COL22A1: variants seen among roughly 807,000 people sequenced by gnomAD.
COL22A1 encodes the protein collagen alpha-1(XXII) chain.
A neutral mutation model predicts 248.9 loss-of-function variants in COL22A1; 221 were observed. That is an observed-to-expected ratio of 0.89 (90% CI 0.80 to 0.99). The LOEUF (loss-of-function observed/expected upper bound fraction) is 0.99. Among genes scored for constraint, COL22A1 ranks in the 50% least tolerant of loss-of-function variants. The pLI, the probability that COL22A1 is intolerant of heterozygous loss-of-function variation, is 0.00. For synonymous variants in COL22A1, 891 were observed against 793.4 expected (o/e 1.12, Z -2.07); for missense variants, 2,240 against 2,179.0 (o/e 1.03, Z -0.56).
chr8:138,644,036 T>G lies in COL22A1; in HGVS notation c.3501+2593A>C, dbSNP rs145460842. Among the ~76,000 whole-genome samples the G allele has an allele frequency of 4.0e-3, 604 of 152,200 alleles. 4 individuals are homozygous for G. The highest frequency in any genetic ancestry group is 0.014 in the African/African-American group (588 of 41,536). On this transcript the variant is annotated intron_variant, in intron 47 of 64. Transcript: ENST00000303045. ...TCCTCATGTGATCTGTCTGCTTCAG[T>G]CTCCCAAAGTGCTGGGATTACAGGT... is the stretch of plus-strand genomic sequence containing the variant.
intron 23 of COL22A1, among the ~76,000 whole-genome samples, chr8:138,726,081 C>T (rs1026043038): frequency 2.0e-5 from 3 of 151,846 alleles, no homozygotes; most frequent in African/African-American, 7.3e-5. Flanking sequence ...GGCATCTTCA[C>T]GGGCCAGGAA....
chr8:138,821,356 G>C lies in COL22A1; in HGVS notation c.1025C>G (p.Ala342Gly). Reference protein sequence around the residue: ...NKAVEYNAVGAMKDAVRVVFR... With the variant: ...NKAVEYNAVGGMKDAVRVVFR... ...GACCACCCTGACAGCATCTTTCATG[G>C]CACCCACAGCGTTGTACTCGACTGC... Residue 342 changes from alanine (A) to glycine (G), a missense_variant, in exon 7 of 65, where the codon GCC becomes GGC. By Grantham distance (60) the Ala-to-Gly change is moderately conservative. Transcript: ENST00000303045. 1 of 1,614,140 alleles carries C rather than the reference G, an allele frequency of 6.2e-7. No homozygotes were observed. The highest frequency in any genetic ancestry group is 8.5e-7 in the Non-Finnish European group (1 of 1,180,012).
chr8:138,686,642 C>T (rs1178364435), intron 37 of COL22A1, among the ~76,000 whole-genome samples: 1 of 152,084 alleles, frequency 6.6e-6, no homozygotes, highest in African/African-American at 2.4e-5. Flanking sequence ...AATCCCGGGC[C>T]CGGCCCTCAG....
chr8:138,805,061 G>C (rs999475695), intron 10 of COL22A1, among the ~76,000 whole-genome samples: 1 of 118,316 alleles, frequency 8.5e-6, no homozygotes, highest in Non-Finnish European at 1.6e-5. Context: ...AATGGTGTGT[G>C]ATGGTGTGTG....
rs1300565198 is a variant in COL22A1, at chr8:138,755,542, G to T, written c.1948-31C>A. The T allele has an allele frequency of 1.9e-6, 3 of 1,613,390 alleles. No homozygotes were observed. The African/African-American group carries it at 4.0e-5, about 22-fold the overall frequency. On this transcript the variant is annotated intron_variant, in intron 19 of 64. Transcript: ENST00000303045. Reference sequence around the variant, plus strand: ...AGACAAAGCAAGCATTAGCAAAGGTGCTGGCATTTCCGCAACCACAGTCAA... The same window carrying T: ...AGACAAAGCAAGCATTAGCAAAGGTTCTGGCATTTCCGCAACCACAGTCAA...
In COL22A1 at chr8:138,878,468, C is replaced by T. The variant is rs1823922987; in HGVS notation, c.92-152G>A. On this transcript the variant is annotated intron_variant, in intron 2 of 64. Transcript: ENST00000303045. ...CAAGGGCCCTGGGCTGCCTGAAAGG[C>T]CTGAGCCTCAGTTTCCACACCTTCA... The T allele has an allele frequency of 9.7e-6, 6 of 618,396 alleles. No homozygotes were observed. The East Asian group carries it at 1.3e-4, about 13-fold the overall frequency. 38.3% of individuals were successfully genotyped at this position (618,396 alleles called of 1,614,324 possible). A position where few individuals can be genotyped will look rare whatever the true frequency, so the allele number is the denominator to read the frequency against.
chr8:138,634,888 T>C, intron 49 of COL22A1, 122 bp downstream of exon 49: 1 of 741,524 alleles, frequency 1.3e-6, no homozygotes, highest in Non-Finnish European at 2.3e-6. Context: ...CTGTCACCTT[T>C]TGGGTGTTGG....
intron 3 of COL22A1, among the ~76,000 whole-genome samples, chr8:138,853,368 ACCTCTAATACTAT>A (rs1392059421): frequency 6.6e-6 from 1 of 152,124 alleles, no homozygotes; most frequent in Non-Finnish European, 1.5e-5. Context: ...GATGGTCTGA[ACCTCTAATACTAT>A]CCTCTAATAA....
At chr8:138,826,937 C>T (rs1004861901) in intron 5 of COL22A1, among the ~76,000 whole-genome samples, 156 bp from the exon 6 acceptor site, 1 of 152,188 alleles carries the variant, frequency 6.6e-6, no homozygotes, top group Non-Finnish European at 1.5e-5. Flanking sequence ...ACTGCCTTCT[C>T]CTTAGGTCAG....
intron 3 of COL22A1, among the ~76,000 whole-genome samples, chr8:138,856,591 TGA>T (rs148698442): frequency 0.078 from 8,201 of 104,694 alleles, 237 homozygotes; most frequent in African/African-American, 0.094. Flanking sequence ...ACAGAGGCAG[TGA>T]GAGAGAGAGA....
intron 3 of COL22A1, among the ~76,000 whole-genome samples, chr8:138,868,825 G>C (rs1823099954): frequency 6.6e-6 from 1 of 151,778 alleles, no homozygotes; most frequent in African/African-American, 2.4e-5. Context: ...CTGCCTCCCA[G>C]GTTCAAGCAA....
chr8:138,697,397 A>T (rs528752380), intron 32 of COL22A1, among the ~76,000 whole-genome samples: 5 of 152,276 alleles, frequency 3.3e-5, no homozygotes, highest in Admixed American at 1.3e-4. Context: ...GCTTTGGAAC[A>T]ACTGATGAGC....
chr8:138,810,483 C>T (rs544253517), intron 9 of COL22A1, among the ~76,000 whole-genome samples: 1 of 152,338 alleles, frequency 6.6e-6, no homozygotes, highest in East Asian at 1.9e-4. Context: ...TGCTGCTTGG[C>T]ACTGTGTGCA....
intron 1 of COL22A1, among the ~76,000 whole-genome samples, chr8:138,902,623 G>A (rs944726529): frequency 1.6e-4 from 25 of 151,626 alleles, no homozygotes; most frequent in Admixed American, 2.6e-4. Context: ...AGAGAATGGC[G>A]TGAACCTGGG....
chr8:138,849,155 G>A (rs6984777), intron 3 of COL22A1, among the ~76,000 whole-genome samples: 2,504 of 152,292 alleles, frequency 0.016, 63 homozygotes, highest in African/African-American at 0.057. Flanking sequence ...CAAGGATCAT[G>A]TTCATAAGGA....
At chr8:138,874,737 G>C (rs1260348036) in intron 3 of COL22A1, among the ~76,000 whole-genome samples, 5 of 152,208 alleles carry the variant, frequency 3.3e-5, no homozygotes, top group African/African-American at 1.2e-4. Flanking sequence ...ACTTGGCCTT[G>C]CTTGGCTGGT....
chr8:138,705,244 G>A (rs199683828), intron 30 of COL22A1, among the ~76,000 whole-genome samples: 3 of 152,116 alleles, frequency 2.0e-5, no homozygotes, highest in Non-Finnish European at 2.9e-5. Context: ...CCAACTTAGC[G>A]AGGCAGGCCA....
At chr8:138,634,313 A>T (rs894233537) in intron 49 of COL22A1, among the ~76,000 whole-genome samples, 1 of 152,096 alleles carries the variant, frequency 6.6e-6, no homozygotes, top group Admixed American at 6.6e-5. Context: ...TCATTCCAGA[A>T]ATCCTCTCCT....
chr8:138,796,950 T>C, intron 11 of COL22A1, 93 bp from the exon 12 acceptor site: 1 of 888,110 alleles, frequency 1.1e-6, no homozygotes, highest in Non-Finnish European at 1.9e-6. Flanking sequence ...TTGAAAGGAT[T>C]AGATATTTTC....
Sources: allele counts gnomAD v4.1 joint callset (sites outside exome capture counted in the v4.1 genomes callset), GRCh38; gene constraint gnomAD v4.1.1; transcripts MANE v1.5; gene names NCBI Gene and HGNC (gene_info 2026-07-23, HGNC 2026-07-21).